The following DGKI variants were observed in gnomAD, a reference collection of about 807,000 sequenced individuals.
The protein encoded by DGKI is DAG kinase iota.
DGKI carries 55 observed loss-of-function variants against 147.5 expected under a neutral mutation model. The observed-to-expected ratio is 0.37, with a 90% CI of 0.30 to 0.47. The LOEUF (loss-of-function observed/expected upper bound fraction) is 0.47, where lower values mean the gene tolerates loss of function less well. DGKI is among the 20% of genes least tolerant of loss of function. The pLI, the probability that DGKI is intolerant of heterozygous loss-of-function variation, is 1.00. For missense variants in DGKI, 1,007 were observed against 1,323.8 expected (o/e 0.76, Z 3.71); for synonymous variants, 469 against 477.1 (o/e 0.98, Z 0.22).
chr7:137,609,228 T>A (rs1371146574), intron 9 of DGKI, among the ~76,000 whole-genome samples, 164 bp from the exon 10 acceptor site: 1 of 151,448 alleles, frequency 6.6e-6, no homozygotes, highest in African/African-American at 2.5e-5. Context: ...CAAGTTATCA[T>A]TTGCTCCAGA....
At chr7:137,540,618 A>G (rs554957966) in intron 20 of DGKI, among the ~76,000 whole-genome samples, 4 of 151,950 alleles carry the variant, frequency 2.6e-5, no homozygotes, top group African/African-American at 9.7e-5. Flanking sequence ...CCCAGGAGGC[A>G]GAGGTTTCAG....
chr7:137,556,686 A>G (rs1218902595), intron 19 of DGKI, among the ~76,000 whole-genome samples: 1 of 152,190 alleles, frequency 6.6e-6, no homozygotes, highest in Non-Finnish European at 1.5e-5. Context: ...AAGTAAATGG[A>G]GAGGCATGTT....
chr7:137,701,058 G>A (rs1823965105), intron 1 of DGKI, among the ~76,000 whole-genome samples: 1 of 151,994 alleles, frequency 6.6e-6, no homozygotes, highest in Admixed American at 6.6e-5. Flanking sequence ...AGTTCGGCCT[G>A]CAGATATACT....
At chr7:137,810,042 T>C (rs900265550) in intron 1 of DGKI, among the ~76,000 whole-genome samples, 1 of 152,222 alleles carries the variant, frequency 6.6e-6, no homozygotes, top group African/African-American at 2.4e-5. Context: ...CATATATTTC[T>C]GTTTGCTGAG....
Position 137,752,572 on chromosome 7 carries a change from C to T in DGKI, c.402-62570G>A, listed in dbSNP as rs193266746. ...GGTTACAGATTGACCCCTGACCTAA[C>T]GGGTTATGTTATCTGTAGATTCCAG... On this transcript the variant is annotated intron_variant, in intron 1 of 32. Coordinates refer to ENST00000614521, the MANE Select transcript of DGKI (RefSeq NM_001321708.2). Among the ~76,000 whole-genome samples, 15 of 152,280 alleles carry T rather than the reference C, an allele frequency of 9.9e-5. No homozygotes were observed. In the East Asian group the frequency reaches 1.5e-3, roughly 16 times the overall value.
At chr7:137,594,870 G>C (rs1382164547) in intron 12 of DGKI, among the ~76,000 whole-genome samples, 1 of 151,994 alleles carries the variant, frequency 6.6e-6, no homozygotes, top group African/African-American at 2.4e-5. Flanking sequence ...ATAAAACTTG[G>C]GTTTACATAA....
At chr7:137,801,394 G>A (rs1018759697) in intron 1 of DGKI, among the ~76,000 whole-genome samples, 3 of 152,166 alleles carry the variant, frequency 2.0e-5, no homozygotes, top group Non-Finnish European at 2.9e-5. Flanking sequence ...TAAAACAACT[G>A]TGTCCTTTAC....
Position 137,620,023 on chromosome 7 carries a change from A to ACACG in DGKI, c.877-84_877-83insCGTG, listed in dbSNP as rs539694141. 2.4e-3 allele frequency: 1,446 copies of ACACG among 595,826 alleles called. 6 individuals carry two copies. The African/African-American group carries it at 0.053, about 22-fold the overall frequency. The allele number at this position is 595,826 out of a possible 1,614,324, so 36.9% of individuals were successfully genotyped here. ...AAGGGATAAATATGTACACACGCAC[A>ACACG]CACACACACACACACACACACACAC... On this transcript the variant is annotated intron_variant, in intron 7 of 32. Transcript: ENST00000614521.
At chr7:137,802,785 C>T (rs1797255648) in intron 1 of DGKI, among the ~76,000 whole-genome samples, 1 of 152,196 alleles carries the variant, frequency 6.6e-6, no homozygotes, top group South Asian at 2.1e-4. Flanking sequence ...ATCTCTGAGT[C>T]AGAGAAAATC....
chr7:137,408,078 T>A, intron 29 of DGKI, 83 bp from the exon 30 acceptor site: 1 of 1,521,262 alleles, frequency 6.6e-7, no homozygotes, highest in Non-Finnish European at 9.0e-7. Flanking sequence ...ATGAGAGTCA[T>A]GTAGCAGACC....
At chr7:137,459,984 A>G (rs533888235) in intron 27 of DGKI, among the ~76,000 whole-genome samples, 5 of 152,294 alleles carry the variant, frequency 3.3e-5, no homozygotes, top group African/African-American at 1.2e-4. Context: ...ATACTACGTT[A>G]GCAGTGTCTC....
intron 20 of DGKI, among the ~76,000 whole-genome samples, chr7:137,549,376 C>A (rs1817970790): frequency 1.3e-5 from 2 of 152,184 alleles, no homozygotes; most frequent in Admixed American, 1.3e-4. Flanking sequence ...GGAAAGGGAA[C>A]TGTTGTTACG....
intron 12 of DGKI, among the ~76,000 whole-genome samples, chr7:137,596,729 T>C (rs1055392732): frequency 6.6e-6 from 1 of 152,236 alleles, no homozygotes; most frequent in Non-Finnish European, 1.5e-5. Flanking sequence ...CCACACAGTA[T>C]CTGAGAGACC....
At chr7:137,716,916 C>G (rs918143857) in intron 1 of DGKI, among the ~76,000 whole-genome samples, 4 of 152,222 alleles carry the variant, frequency 2.6e-5, no homozygotes, top group African/African-American at 9.6e-5. Flanking sequence ...TCCATTCCTA[C>G]CTGACTCTTA....
At chr7:137,397,734 A>G (rs1396547509) in intron 30 of DGKI, among the ~76,000 whole-genome samples, 2 of 152,194 alleles carry the variant, frequency 1.3e-5, no homozygotes, top group African/African-American at 2.4e-5. Context: ...GAGAAAGGGG[A>G]AGATTAGGTG....
intron 28 of DGKI, among the ~76,000 whole-genome samples, chr7:137,418,745 A>T (rs1317618013): frequency 1.3e-5 from 2 of 152,254 alleles, no homozygotes; most frequent in Admixed American, 6.5e-5. Flanking sequence ...GAAGAAAAAA[A>T]TAAAAGTAAA....
chr7:137,416,667 T>G (rs1812373296), intron 28 of DGKI, among the ~76,000 whole-genome samples: 1 of 151,952 alleles, frequency 6.6e-6, no homozygotes. Context: ...TGAGTCTGCT[T>G]CCCCCCCTCT....
Position 137,381,189 on chromosome 7 carries a change from T to A in DGKI, c.*10031A>T, listed in dbSNP as rs1417723288. On this transcript the variant is annotated 3_prime_UTR_variant, in exon 33 of 33. Transcript: ENST00000614521. Reference sequence around the variant, plus strand: ...TGAAAATCTCTGTAGTGCAACACAGTGATCAAGATACTTTATATAAATAGG... The same window carrying A: ...TGAAAATCTCTGTAGTGCAACACAGAGATCAAGATACTTTATATAAATAGG... 3 of 151,978 alleles carry A rather than the reference T, an allele frequency of 2.0e-5. No homozygotes were observed. In the East Asian group the frequency reaches 5.8e-4, roughly 29 times the overall value. 9.4% of individuals were successfully genotyped at this position (151,978 alleles called of 1,614,324 possible).
intron 20 of DGKI, among the ~76,000 whole-genome samples, chr7:137,546,670 T>C (rs1246519465): frequency 1.2e-4 from 19 of 152,222 alleles, no homozygotes; most frequent in Admixed American, 6.5e-5. Context: ...AAAGACAAAA[T>C]GTAGAATTTA....
Sources: gnomAD v4.1 joint callset for allele counts (sites outside exome capture counted in the v4.1 genomes callset) on GRCh38, gnomAD v4.1.1 for gene constraint, MANE v1.5 for transcripts, NCBI Gene and HGNC (gene_info 2026-07-23, HGNC 2026-07-21) for gene names.